The following LRRN1 variants were observed in gnomAD, a reference collection of about 807,000 sequenced individuals.
The protein encoded by LRRN1 is leucine-rich repeat neuronal protein 1.
In LRRN1, 14 loss-of-function variants were observed where a neutral mutation model predicts 45.8. That is an observed-to-expected ratio of 0.31 (90% CI 0.20 to 0.48). LRRN1 has a LOEUF of 0.48. Ranked by LOEUF, LRRN1 falls within the 20% of genes least tolerant of loss-of-function variation. The pLI is 0.99. For synonymous variants in LRRN1, 359 were observed against 330.1 expected (o/e 1.09, Z -0.95); for missense variants, 789 against 874.2 (o/e 0.90, Z 1.23).
In LRRN1 at chr3:3,799,636, C is replaced by T. The variant is rs1692596173; in HGVS notation, c.-562C>T. 1 of 152,866 alleles carries T rather than the reference C, an allele frequency of 6.5e-6. No individual in the cohort carries two copies. Among genetic ancestry groups the T allele is most frequent in the African/African-American group, 2.4e-5 (1 of 41,604 alleles). 9.5% of individuals were successfully genotyped at this position (152,866 alleles called of 1,614,324 possible). ...CCCTCTGCACCCCACTTCTCCGACC[C>T]TCCTTCCCAGTCCTGCCTCCCCCTG... On this transcript the variant is annotated 5_prime_UTR_variant, in exon 1 of 2. Coordinates refer to ENST00000319331, the MANE Select transcript of LRRN1 (RefSeq NM_020873.7).
rs1461117229 is a variant in LRRN1, at chr3:3,846,785, T to G, written c.2144T>G (p.Met715Arg). ...TQVDTSRSYY[M>R]W ...GTCGACACATCCAGAAGCTATTACA[T>G]GTGGTAACTCAGAGGATATTTTGCT... Residue 715 changes from methionine (M) to arginine (R), a missense_variant, in exon 2 of 2, where the codon ATG becomes AGG. Coordinates refer to ENST00000319331, the MANE Select transcript of LRRN1 (RefSeq NM_020873.7). This position sits in a 1 kb window ranked among gnomAD's most constrained non-coding sequence, Gnocchi z 5.7. The G allele has an allele frequency of 6.2e-7, 1 of 1,600,966 alleles. No individual in the cohort carries two copies. The highest frequency in any genetic ancestry group is 1.1e-5 in the South Asian group (1 of 88,064).
At chr3:3,812,358 C>G (rs1235289274) in intron 1 of LRRN1, among the ~76,000 whole-genome samples, 1 of 151,866 alleles carries the variant, frequency 6.6e-6, no homozygotes, top group Admixed American at 6.5e-5. Flanking sequence ...CTTATTTAAG[C>G]CAAAATCTGA....
chr3:3,844,334 G>A, intron 1 of LRRN1, 30 bp from the exon 2 acceptor site: 1 of 268,692 alleles, frequency 3.7e-6, no homozygotes. Context: ...TATGGAATAA[G>A]CATAACATCT....
chr3:3,834,525 GATATATAT>G lies in LRRN1; in HGVS notation c.-278-9818_-278-9811del, dbSNP rs71040093. Among the ~76,000 whole-genome samples, 816 of 27,328 alleles carry G rather than the reference GATATATAT, an allele frequency of 0.03. 148 individuals carry two copies. The East Asian group carries it at 0.37, about 12-fold the overall frequency. 17.9% of individuals were successfully genotyped at this position (27,328 alleles called of 152,430 possible). ...GCGTTCTCTTAGAGGGACAGAACAG[GATATATAT>G]ATATATATATATATATATATGATAT... On this transcript the variant is annotated intron_variant, in intron 1 of 1. Coordinates refer to ENST00000319331, the MANE Select transcript of LRRN1 (RefSeq NM_020873.7).
rs1473420258 is a variant in LRRN1 at position 3,847,805 on chromosome 3, C to T, written c.*1013C>T. On this transcript the variant is annotated 3_prime_UTR_variant, in exon 2 of 2. Coordinates refer to ENST00000319331, the MANE Select transcript of LRRN1 (RefSeq NM_020873.7). ...ATTTTAATTAAGATATTTTAATGAA[C>T]AGGATTTCTGTATTTTAAATAGTAC... 1 of 166,016 alleles carries T rather than the reference C, an allele frequency of 6.0e-6. No homozygotes were observed. The highest frequency in any genetic ancestry group is 1.5e-5 in the Non-Finnish European group (1 of 68,078). The allele number at this position is 166,016 out of a possible 1,614,324, so 10.3% of individuals were successfully genotyped here. A position where few individuals can be genotyped will look rare whatever the true frequency, so the allele number is the denominator to read the frequency against.
In LRRN1 at chr3:3,848,369, G is replaced by A. The variant is rs1693822486; in HGVS notation, c.*1577G>A. 6.6e-6 allele frequency among the ~76,000 whole-genome samples: 1 copy of A among 152,186 alleles called. No individual in the cohort carries two copies. The highest frequency in any genetic ancestry group is 1.5e-5 in the Non-Finnish European group (1 of 68,028). ...CAGTTCCACAAAGGGCAGAGGGAGGGATGGGATTTAATAGGTAAAGAAGAA... is the reference window on the plus strand; with the variant it reads ...CAGTTCCACAAAGGGCAGAGGGAGGAATGGGATTTAATAGGTAAAGAAGAA... On this transcript the variant is annotated 3_prime_UTR_variant, in exon 2 of 2. Coordinates refer to ENST00000319331, the MANE Select transcript of LRRN1 (RefSeq NM_020873.7).
At position 3,846,988 on chromosome 3, in the gene LRRN1, G is replaced by T; in HGVS notation, c.*196G>T. ...TTGACACGGCTGCCAGCGACTCTAG[G>T]CTTCCAGTCTGTGTTTGGTTTTTAT... On this transcript the variant is annotated 3_prime_UTR_variant, in exon 2 of 2. Transcript: ENST00000319331. The surrounding 1 kb of genome is among the most constrained non-coding windows in gnomAD (Gnocchi z 5.7). The T allele has an allele frequency of 2.2e-6, 1 of 463,650 alleles. No homozygotes were observed. Among genetic ancestry groups the T allele is most frequent in the South Asian group, 5.4e-5 (1 of 18,484 alleles). 28.7% of individuals were successfully genotyped at this position (463,650 alleles called of 1,614,324 possible).
At chr3:3,819,556 C>T (rs1427239779) in intron 1 of LRRN1, among the ~76,000 whole-genome samples, 1 of 152,104 alleles carries the variant, frequency 6.6e-6, no homozygotes, top group Non-Finnish European at 1.5e-5. Context: ...CAGTCTCTGC[C>T]TTCATTGTCA....
At chr3:3,818,764 T>A (rs1349566417) in intron 1 of LRRN1, among the ~76,000 whole-genome samples, 1 of 152,126 alleles carries the variant, frequency 6.6e-6, no homozygotes, top group Non-Finnish European at 1.5e-5. Context: ...ATAAAGATCA[T>A]AGAGCTTACC....
At position 3,845,324 on chromosome 3, in the gene LRRN1, C is replaced by A; in HGVS notation, c.683C>A (p.Thr228Asn). 2.5e-6 allele frequency: 4 copies of A among 1,614,116 alleles called. No individual in the cohort carries two copies. Among genetic ancestry groups the A allele is most frequent in the Non-Finnish European group, 3.4e-6 (4 of 1,180,026 alleles). The part of the protein sequence containing the change: ...RSLVLAGMYL[T>N]DIPGNALVGL... Reference sequence around the variant, plus strand: ...TTAGTTTTGGCAGGAATGTATCTCACTGATATTCCTGGAAATGCTTTGGTG... The same window carrying A: ...TTAGTTTTGGCAGGAATGTATCTCAATGATATTCCTGGAAATGCTTTGGTG... Residue 228 changes from threonine (T) to asparagine (N), a missense_variant, in exon 2 of 2, where the codon ACT becomes AAT. By Grantham distance (65) the Thr-to-Asn change is moderately conservative. Coordinates refer to ENST00000319331, the MANE Select transcript of LRRN1 (RefSeq NM_020873.7). This position sits in a 1 kb window ranked among gnomAD's most constrained non-coding sequence, Gnocchi z 6.5.
At chr3:3,825,134 A>C (rs905043075) in intron 1 of LRRN1, among the ~76,000 whole-genome samples, 1 of 151,380 alleles carries the variant, frequency 6.6e-6, no homozygotes, top group East Asian at 1.9e-4. Context: ...TTGGCTTTTC[A>C]TTTTTCTTTT....
intron 1 of LRRN1, among the ~76,000 whole-genome samples, chr3:3,820,005 G>T (rs1449924957): frequency 6.6e-6 from 1 of 152,102 alleles, no homozygotes; most frequent in Non-Finnish European, 1.5e-5. Context: ...GCTCATTCTC[G>T]TATTCTAAAG....
At chr3:3,817,194 A>C (rs996653120) in intron 1 of LRRN1, among the ~76,000 whole-genome samples, 4 of 152,130 alleles carry the variant, frequency 2.6e-5, no homozygotes, top group Non-Finnish European at 5.9e-5. Context: ...GTGGCCCCCA[A>C]GCTTTCAGAG....
chr3:3,821,174 T>A (rs553016601), intron 1 of LRRN1, among the ~76,000 whole-genome samples: 1 of 152,320 alleles, frequency 6.6e-6, no homozygotes, highest in South Asian at 2.1e-4. Context: ...TTTGGAGATA[T>A]AGGGCTGTGC....
At chr3:3,839,923 G>C (rs1164343193) in intron 1 of LRRN1, among the ~76,000 whole-genome samples, 1 of 151,976 alleles carries the variant, frequency 6.6e-6, no homozygotes, top group African/African-American at 2.4e-5. Context: ...TATGTAATCT[G>C]GGAACAGATA....
intron 1 of LRRN1, among the ~76,000 whole-genome samples, chr3:3,830,493 G>A (rs1693343498): frequency 6.6e-6 from 1 of 152,242 alleles, no homozygotes; most frequent in African/African-American, 2.4e-5. Flanking sequence ...AAAAGGGGCT[G>A]TAGTGCTGCA....
intron 1 of LRRN1, among the ~76,000 whole-genome samples, chr3:3,806,351 T>A (rs1297036104): frequency 6.6e-6 from 1 of 152,200 alleles, no homozygotes; most frequent in Non-Finnish European, 1.5e-5. Context: ...AGATGTCAGC[T>A]GCCAGCAGAG....
At chr3:3,842,192 A>G (rs1387352581) in intron 1 of LRRN1, among the ~76,000 whole-genome samples, 1 of 152,166 alleles carries the variant, frequency 6.6e-6, no homozygotes, top group Non-Finnish European at 1.5e-5. Flanking sequence ...CTACCATTGT[A>G]TATGCGGTCC....
rs558996096 is a variant in LRRN1, at chr3:3,799,809, G to GTCC, written c.-374_-372dup. On this transcript the variant is annotated 5_prime_UTR_variant, in exon 1 of 2. Coordinates refer to ENST00000319331, the MANE Select transcript of LRRN1 (RefSeq NM_020873.7). ...CTGGGAAGGAGGCGCCGCTCAGCTA[G>GTCC]TCCTCCTCCTCCTCCTCGTCTTTCT... is the stretch of plus-strand genomic sequence containing the variant. 15 of 161,236 alleles carry GTCC rather than the reference G, an allele frequency of 9.3e-5. No individual in the cohort carries two copies. The highest frequency in any genetic ancestry group is 2.8e-4 in the South Asian group (2 of 7,192). The allele number at this position is 161,236 out of a possible 1,614,324, so 10.0% of individuals were successfully genotyped here.
Sources: gnomAD v4.1 joint callset for allele counts (sites outside exome capture counted in the v4.1 genomes callset) on GRCh38, gnomAD v4.1.1 for gene constraint, Gnocchi (gnomAD v3.1) non-coding constraint, MANE v1.5 for transcripts, NCBI Gene and HGNC (gene_info 2026-07-23, HGNC 2026-07-21) for gene names.